ASCL5: variants seen among roughly 807,000 people sequenced by gnomAD.
The protein encoded by ASCL5 is achaete-scute family bHLH transcription factor 5.
For synonymous variants in ASCL5, 124 were observed against 131.5 expected, an observed-to-expected ratio of 0.94 and a Z score of 0.39; for missense variants, 262 against 268.9, an observed-to-expected ratio of 0.97 and a Z score of 0.18.
chr1:201,118,595 A>C (rs1487823315), intron 1 of ASCL5, among the ~76,000 whole-genome samples: 3 of 152,180 alleles, frequency 2.0e-5, no homozygotes, highest in African/African-American at 7.2e-5. Context: ...CCAGAAGCTG[A>C]GGAACACAGT....
intron 1 of ASCL5, among the ~76,000 whole-genome samples, chr1:201,118,698 G>A (rs185700146): frequency 2.6e-5 from 4 of 152,262 alleles, no homozygotes; most frequent in East Asian, 3.9e-4. Flanking sequence ...TACTAGGATA[G>A]AACAGCAAAC....
intron 1 of ASCL5, among the ~76,000 whole-genome samples, chr1:201,117,290 G>C (rs990937438): frequency 4.6e-5 from 7 of 152,180 alleles, no homozygotes; most frequent in Non-Finnish European, 1.0e-4. Context: ...ACAAAAACTA[G>C]CTGGGTGGAA....
chr1:201,118,339 G>T (rs572240106), intron 1 of ASCL5, among the ~76,000 whole-genome samples: 1 of 152,074 alleles, frequency 6.6e-6, no homozygotes, highest in African/African-American at 2.4e-5. Context: ...AAATTAGCAG[G>T]GTTTGGTGGC....
chr1:201,114,375 T>C lies in ASCL5; in HGVS notation c.*377A>G, dbSNP rs578011598. 2.6e-3 allele frequency: 481 copies of C among 183,728 alleles called. 2 individuals are homozygous for C. The highest frequency in any genetic ancestry group is 2.3e-3 in the Non-Finnish European group (203 of 89,080). 11.4% of individuals were successfully genotyped at this position (183,728 alleles called of 1,614,324 possible). A position where few individuals can be genotyped will look rare whatever the true frequency, so the allele number is the denominator to read the frequency against. On this transcript the variant is annotated 3_prime_UTR_variant, in exon 2 of 2. Transcript: ENST00000449188. ...TCGCATCCCGGGGACTCGCAGAGAC[T>C]GGACTGCGCCTGCGGCAAGGAAGGA... is the stretch of plus-strand genomic sequence containing the variant.
chr1:201,119,194 G>A (rs1401911370), intron 1 of ASCL5, among the ~76,000 whole-genome samples: 2 of 152,168 alleles, frequency 1.3e-5, no homozygotes, highest in African/African-American at 4.8e-5. Flanking sequence ...TTTTGGGAGG[G>A]TAGCACCCCC....
At chr1:201,117,663 T>A (rs946189538) in intron 1 of ASCL5, among the ~76,000 whole-genome samples, 2 of 152,124 alleles carry the variant, frequency 1.3e-5, no homozygotes, top group Non-Finnish European at 2.9e-5. Flanking sequence ...TCTCTACATC[T>A]CTCTGCTTTA....
Position 201,114,770 on chromosome 1 carries a change from C to T in ASCL5, c.603G>A (p.Ser201=). The T allele has an allele frequency of 1.6e-6, 2 of 1,231,086 alleles. No homozygotes were observed. Among genetic ancestry groups the T allele is most frequent in the Non-Finnish European group, 2.0e-6 (2 of 987,544 alleles). 76.3% of individuals were successfully genotyped at this position (1,231,086 alleles called of 1,614,324 possible). ...GGCCCGATCAATGCCAGGATTCCTC[C>T]GACTCCAAGAAAGGCGACGGGGAGA... The part of the protein sequence containing the change: ...SCFSPSPFLE[S]EESWH The change falls in exon 2 of 2, where the codon TCG becomes TCA. Residue 201 remains serine, a synonymous_variant. Transcript: ENST00000449188.
chr1:201,121,365 C>T (rs551498892), intron 1 of ASCL5, among the ~76,000 whole-genome samples: 27 of 152,212 alleles, frequency 1.8e-4, no homozygotes, highest in East Asian at 1.9e-4. Context: ...CCAGCACTTT[C>T]GGAGGCCGAG....
intron 1 of ASCL5, among the ~76,000 whole-genome samples, chr1:201,122,410 G>A (rs1006860804): frequency 2.6e-5 from 4 of 152,170 alleles, no homozygotes; most frequent in Admixed American, 6.5e-5. Context: ...ATGGGCTCGC[G>A]TGGATTAGGT....
chr1:201,118,768 T>C (rs1032930459), intron 1 of ASCL5, among the ~76,000 whole-genome samples: 4 of 152,212 alleles, frequency 2.6e-5, no homozygotes, highest in Admixed American at 2.0e-4. Flanking sequence ...TTATTCATGA[T>C]GTGCAAGACC....
intron 1 of ASCL5, among the ~76,000 whole-genome samples, chr1:201,118,484 C>CAAA (rs746269894): frequency 9.2e-6 from 1 of 108,122 alleles, no homozygotes; most frequent in African/African-American, 3.7e-5. Context: ...GACCCTGTCT[C>CAAA]AAGAAAAAAA....
intron 1 of ASCL5, among the ~76,000 whole-genome samples, chr1:201,119,117 A>G (rs7547762): frequency 0.27 from 41,255 of 152,152 alleles, 5,915 homozygotes; most frequent in East Asian, 0.5. Flanking sequence ...GTCCCGCTGA[A>G]GATTCCAATT....
At chr1:201,125,948 T>A (rs1035632885) in intron 1 of ASCL5, among the ~76,000 whole-genome samples, 1 of 151,940 alleles carries the variant, frequency 6.6e-6, no homozygotes, top group Non-Finnish European at 1.5e-5. Context: ...AACTCATCCA[T>A]CCAAACTGCC....
rs1572083235 is a variant in ASCL5, at chr1:201,114,832, A to C, written c.541T>G (p.Ser181Ala). Residue 181 changes from serine to alanine, a missense_variant, in exon 2 of 2, where the codon TCC (serine) becomes GCC (alanine). Coordinates refer to ENST00000449188, the MANE Select transcript of ASCL5 (RefSeq NM_001270601.2). ...TCGGATGACTCCGGCACCAGGGAGG[A>C]GGGCGCCCGGGCCTCGCCGTCGCCA... is the stretch of plus-strand genomic sequence containing the variant. ...RPGDGEARAP[S>A]SLVPESSESS... 6 of 1,181,130 alleles carry C rather than the reference A, an allele frequency of 5.1e-6. No individual in the cohort carries two copies. The highest frequency in any genetic ancestry group is 6.3e-6 in the Non-Finnish European group (6 of 957,206). The allele number at this position is 1,181,130 out of a possible 1,614,324, so 73.2% of individuals were successfully genotyped here.
Position 201,114,519 on chromosome 1 carries a change from C to T in ASCL5, c.*233G>A, listed in dbSNP as rs1271959845. On this transcript the variant is annotated 3_prime_UTR_variant, in exon 2 of 2. Transcript: ENST00000449188. ...CGGAGCAGTCCCAGGCCCTGCCCCT[C>T]GCTTCACCCACGGAGCTCCTAGGTC... 2 of 362,240 alleles carry T rather than the reference C, an allele frequency of 5.5e-6. No individual in the cohort carries two copies. Among genetic ancestry groups the T allele is most frequent in the Non-Finnish European group, 9.7e-6 (2 of 205,434 alleles). 22.4% of individuals were successfully genotyped at this position (362,240 alleles called of 1,614,324 possible). A position where few individuals can be genotyped will look rare whatever the true frequency, so the allele number is the denominator to read the frequency against.
Position 201,114,757 on chromosome 1 carries a change from G to A in ASCL5, c.616C>T (p.His206Tyr). The A allele has an allele frequency of 8.1e-7, 1 of 1,231,152 alleles. No individual in the cohort carries two copies. The allele number at this position is 1,231,152 out of a possible 1,614,324, so 76.3% of individuals were successfully genotyped here. The change falls in exon 2 of 2, where the codon CAT (histidine) becomes TAT (tyrosine). Residue 206 changes from histidine (H) to tyrosine (Y), a missense_variant. His to Tyr is a moderately conservative substitution (Grantham distance 83). Coordinates refer to ENST00000449188, the MANE Select transcript of ASCL5 (RefSeq NM_001270601.2). ...SPFLESEESW[H>Y] ...GGGGGCGGCCACAGGCCCGATCAAT[G>A]CCAGGATTCCTCCGACTCCAAGAAA...
chr1:201,115,186 C>A lies in ASCL5; in HGVS notation c.187G>T (p.Val63Leu). The change falls in exon 2 of 2, where the codon GTG (valine) becomes TTG (leucine). Residue 63 changes from valine to leucine, a missense_variant. Coordinates refer to ENST00000449188, the MANE Select transcript of ASCL5 (RefSeq NM_001270601.2). The part of the protein sequence containing the change: ...EPPYYDAYAG[V>L]FPYVPFPGAF... ...CCGGGGAAGGGCACGTAGGGGAACA[C>A]CCCCGCATAGGCGTCGTAGTAGGGC... The A allele has an allele frequency of 8.1e-7, 1 of 1,231,648 alleles. No homozygotes were observed. Among genetic ancestry groups the A allele is most frequent in the Non-Finnish European group, 1.0e-6 (1 of 987,938 alleles). The allele number at this position is 1,231,648 out of a possible 1,614,324, so 76.3% of individuals were successfully genotyped here. A position where few individuals can be genotyped will look rare whatever the true frequency, so the allele number is the denominator to read the frequency against.
At chr1:201,118,437 G>C (rs1265068856) in intron 1 of ASCL5, among the ~76,000 whole-genome samples, 4 of 150,994 alleles carry the variant, frequency 2.6e-5, no homozygotes, top group Non-Finnish European at 5.9e-5. Context: ...GTGAGCTGAG[G>C]CTGCACCACT....
At chr1:201,126,189 G>A (rs1236106858) in intron 1 of ASCL5, among the ~76,000 whole-genome samples, 2 of 151,810 alleles carry the variant, frequency 1.3e-5, no homozygotes, top group Non-Finnish European at 2.9e-5. Context: ...GGGCTGGAGA[G>A]CAGTGGGACG....
Sources: gnomAD v4.1 joint callset for allele counts (sites outside exome capture counted in the v4.1 genomes callset) on GRCh38, gnomAD v4.1.1 for gene constraint, MANE v1.5 for transcripts, NCBI Gene and HGNC (gene_info 2026-07-23, HGNC 2026-07-21) for gene names.